Variants in PEPD observed in about 807,000 individuals in gnomAD.
The protein encoded by PEPD is peptidase D.
In PEPD, 53 loss-of-function variants were observed where a neutral mutation model predicts 60.7. The observed-to-expected ratio is 0.87, with a 90% CI of 0.70 to 1.10. The LOEUF (loss-of-function observed/expected upper bound fraction) is 1.10. Among genes scored for constraint, PEPD ranks in the 50% least tolerant of loss-of-function variants. The pLI is 0.00. For missense variants in PEPD, 711 were observed against 711.9 expected, an observed-to-expected ratio of 1.00 and a Z score of 0.01; for synonymous variants, 267 against 284.1, an observed-to-expected ratio of 0.94 and a Z score of 0.60.
At chr19:33,488,607 T>A (rs142897763) in intron 6 of PEPD, among the ~76,000 whole-genome samples, 259 of 152,122 alleles carry the variant, frequency 1.7e-3, no homozygotes, top group African/African-American at 6.0e-3. Context: ...CTGCCAGGCG[T>A]GGGAGGCGGG....
intron 9 of PEPD, among the ~76,000 whole-genome samples, chr19:33,449,904 C>T (rs2145249332): frequency 6.6e-6 from 1 of 152,238 alleles, no homozygotes; most frequent in Non-Finnish European, 1.5e-5. Flanking sequence ...TAGCAGGACC[C>T]AAGGGGATGA....
At chr19:33,422,799 TC>T (rs1969052611) in intron 9 of PEPD, among the ~76,000 whole-genome samples, 1 of 148,258 alleles carries the variant, frequency 6.7e-6, no homozygotes, top group African/African-American at 2.5e-5. Context: ...CCTCTATCTA[TC>T]CATCCATCCA....
At chr19:33,399,482 C>T (rs775464188) in intron 12 of PEPD, among the ~76,000 whole-genome samples, 6 of 152,196 alleles carry the variant, frequency 3.9e-5, no homozygotes, top group Non-Finnish European at 5.9e-5. Context: ...CTGTTGGATG[C>T]GTGAAGGTGT....
At chr19:33,428,312 A>G (rs891989410) in intron 9 of PEPD, among the ~76,000 whole-genome samples, 16 of 152,098 alleles carry the variant, frequency 1.1e-4, no homozygotes, top group African/African-American at 3.6e-4. Flanking sequence ...ACACCTGTCC[A>G]GCATACCCCG....
At chr19:33,412,764 A>G (rs1568458382) in intron 10 of PEPD, among the ~76,000 whole-genome samples, 1 of 152,294 alleles carries the variant, frequency 6.6e-6, no homozygotes, top group East Asian at 1.9e-4. Context: ...GGACGTGCGC[A>G]TTGGCAGAGC....
chr19:33,493,158 G>C, intron 5 of PEPD, 132 bp downstream of exon 5: 1 of 719,874 alleles, frequency 1.4e-6, no homozygotes, highest in South Asian at 1.5e-5. Context: ...TAACAGGCGT[G>C]AGCCCCTGGA....
intron 3 of PEPD, among the ~76,000 whole-genome samples, chr19:33,509,250 G>A (rs1039652167): frequency 6.6e-6 from 1 of 152,260 alleles, no homozygotes; most frequent in Non-Finnish European, 1.5e-5. Flanking sequence ...AAGCCCCAAA[G>A]GCAGTTGGCC....
At chr19:33,514,935 A>T (rs1214565753) in intron 1 of PEPD, among the ~76,000 whole-genome samples, 1 of 151,958 alleles carries the variant, frequency 6.6e-6, no homozygotes, top group Non-Finnish European at 1.5e-5. Context: ...AACTCTCCTT[A>T]GTGGCCCCCT....
intron 6 of PEPD, among the ~76,000 whole-genome samples, chr19:33,485,666 T>C (rs1350785135): frequency 6.6e-6 from 1 of 152,138 alleles, no homozygotes; most frequent in Non-Finnish European, 1.5e-5. Flanking sequence ...GATATTAATA[T>C]TCCTGCATTA....
At chr19:33,423,399 C>G (rs1437491971) in intron 9 of PEPD, among the ~76,000 whole-genome samples, 1 of 152,178 alleles carries the variant, frequency 6.6e-6, no homozygotes, top group Non-Finnish European at 1.5e-5. Context: ...GGGCTAAATT[C>G]CTAGAAGGGA....
At chr19:33,468,514 G>A (rs1436074892) in intron 7 of PEPD, among the ~76,000 whole-genome samples, 3 of 152,226 alleles carry the variant, frequency 2.0e-5, no homozygotes, top group East Asian at 3.9e-4. Context: ...CCCGAGGCAG[G>A]CGAGGATGGC....
chr19:33,445,331 A>T (rs1969571748), intron 9 of PEPD, among the ~76,000 whole-genome samples: 1 of 152,224 alleles, frequency 6.6e-6, no homozygotes, highest in Admixed American at 6.5e-5. Flanking sequence ...AATCAGCTCA[A>T]CAGTGTTCCC....
chr19:33,493,537 C>CGAGG, intron 4 of PEPD, 200 bp from the exon 5 acceptor site: 3 of 658,668 alleles, frequency 4.6e-6, no homozygotes, highest in Non-Finnish European at 8.3e-6. Context: ...ACACAGCCAT[C>CGAGG]GAGGGGCAGA....
intron 3 of PEPD, among the ~76,000 whole-genome samples, chr19:33,504,093 C>T (rs1433546732): frequency 6.6e-6 from 1 of 152,226 alleles, no homozygotes; most frequent in Non-Finnish European, 1.5e-5. Context: ...CTGTGCATTG[C>T]ATTCTCTTTT....
At chr19:33,393,494 T>G (rs368921360) in intron 12 of PEPD, among the ~76,000 whole-genome samples, 322 of 148,522 alleles carry the variant, frequency 2.2e-3, no homozygotes, top group African/African-American at 8.2e-3. Context: ...CCCGCCTCCG[T>G]GAGCCTCAGC....
At chr19:33,477,226 A>C (rs1970233552) in intron 7 of PEPD, 1 of 152,522 alleles carries the variant, frequency 6.6e-6, no homozygotes, top group Non-Finnish European at 1.5e-5. Flanking sequence ...CTTTTTCCAC[A>C]GCCGATGCCC....
chr19:33,408,097 G>A (rs1471069695), intron 11 of PEPD, among the ~76,000 whole-genome samples: 1 of 152,252 alleles, frequency 6.6e-6, no homozygotes, highest in East Asian at 1.9e-4. Context: ...GAAGCTGCTG[G>A]AAGGGTAAGG....
chr19:33,436,697 G>C (rs1436030672), intron 9 of PEPD, among the ~76,000 whole-genome samples: 2 of 152,260 alleles, frequency 1.3e-5, no homozygotes, highest in South Asian at 2.1e-4. Flanking sequence ...CATGGGCACT[G>C]AGCCAGAACT....
intron 12 of PEPD, among the ~76,000 whole-genome samples, chr19:33,394,025 C>A (rs1968304179): frequency 6.6e-6 from 1 of 152,264 alleles, no homozygotes; most frequent in African/African-American, 2.4e-5. Context: ...CAGCCGTCCC[C>A]TGGACGGATC....
Sources: gnomAD v4.1 joint callset for allele counts (sites outside exome capture counted in the v4.1 genomes callset) on GRCh38, gnomAD v4.1.1 for gene constraint, MANE v1.5 for transcripts, NCBI Gene and HGNC (gene_info 2026-07-23, HGNC 2026-07-21) for gene names.